The following C6orf118 variants were observed in gnomAD, a reference collection of about 807,000 sequenced individuals.
C6orf118 encodes the protein chromosome 6 open reading frame 118.
In C6orf118, 50 loss-of-function variants were observed where a neutral mutation model predicts 50.2. That is an observed-to-expected ratio of 1.00 (90% confidence interval 0.79 to 1.26). The LOEUF (loss-of-function observed/expected upper bound fraction) is 1.26. Ranked by LOEUF, C6orf118 falls within the 50% of genes most tolerant of loss-of-function variation. The probability of loss-of-function intolerance (pLI) is 0.00; values close to 1 mark genes in which losing one functional copy is unlikely to be tolerated. For missense variants in C6orf118, 641 were observed against 578.7 expected (o/e 1.11, Z -1.10); for synonymous variants, 239 against 230.9 (o/e 1.03, Z -0.32).
Position 165,293,400 on chromosome 6 carries a change from C to T in C6orf118, c.1120+13G>A. ...AAAGCACCCATAAGGAAGGACATCA[C>T]ACAGACACCTGCCTGATCGTTCCTT... is the stretch of plus-strand genomic sequence containing the variant. On this transcript the variant is annotated intron_variant, in intron 6 of 8. Transcript: ENST00000230301. The T allele has an allele frequency of 1.2e-6, 2 of 1,613,334 alleles. No individual in the cohort carries two copies. Among genetic ancestry groups the T allele is most frequent in the Non-Finnish European group, 1.7e-6 (2 of 1,179,240 alleles).
intron 1 of C6orf118, among the ~76,000 whole-genome samples, chr6:165,302,510 T>C (rs1780596650): frequency 6.6e-6 from 1 of 152,060 alleles, no homozygotes; most frequent in African/African-American, 2.4e-5. Context: ...CCCCAGGATG[T>C]GCAAGTCAAC....
At position 165,309,443 on chromosome 6, in the gene C6orf118, G is replaced by A. The variant is rs775448233; in HGVS notation, c.25+119C>T. The A allele has an allele frequency of 5.6e-5, 68 of 1,223,060 alleles. 1 individual carries two copies. In the Admixed American group the frequency reaches 6.4e-4, roughly 11 times the overall value. The allele number at this position is 1,223,060 out of a possible 1,614,324, so 75.8% of individuals were successfully genotyped here. On this transcript the variant is annotated intron_variant, in intron 1 of 8. Coordinates refer to ENST00000230301, the MANE Select transcript of C6orf118 (RefSeq NM_144980.4). ...CTCAGCCCTAGTGACCCTGGAGCCGGCGTGCAGCCACCAGAAAAAGATTTT... is the reference window on the plus strand; with the variant it reads ...CTCAGCCCTAGTGACCCTGGAGCCGACGTGCAGCCACCAGAAAAAGATTTT...
In C6orf118 at chr6:165,301,840, C is replaced by T; in HGVS notation, c.482G>A (p.Gly161Glu). The change falls in exon 2 of 9, where the codon GGA (glycine) becomes GAA (glutamate). Residue 161 changes from glycine (G) to glutamate (E), a missense_variant. By Grantham distance (98) the Gly-to-Glu change is moderately conservative. Coordinates refer to ENST00000230301, the MANE Select transcript of C6orf118 (RefSeq NM_144980.4). ...AVREGKEEKK[G>E]GPPGRGPPGW... ...AGGAGGGCCCCGTCCAGGAGGGCCT[C>T]CTTTCTTTTCTTCCTTCCCCTCTCT... The T allele has an allele frequency of 6.2e-7, 1 of 1,613,898 alleles. No homozygotes were observed. Among genetic ancestry groups the T allele is most frequent in the South Asian group, 1.1e-5 (1 of 91,076 alleles).
intron 1 of C6orf118, among the ~76,000 whole-genome samples, chr6:165,306,353 T>C (rs189834038): frequency 0.079 from 6,374 of 80,686 alleles, 305 homozygotes; most frequent in African/African-American, 0.1. Context: ...AGGGATAGCA[T>C]TGGGAGATAT....
Position 165,301,716 on chromosome 6 carries a change from GAC to G in C6orf118, c.604_605del (p.Val202GlnfsTer33), listed in dbSNP as rs1236331589. On this transcript the variant is annotated frameshift_variant, in exon 2 of 9. Coordinates refer to ENST00000230301, the MANE Select transcript of C6orf118 (RefSeq NM_144980.4). LOFTEE classifies it high-confidence loss of function. ...SRGTRDRHHY[V>X]SSYLAGATSA... ...TGGTGGCTCCGGCCAGGTAGGAGCTGACATAGTGGTGCCGGTCCCTGGTGCCT... is the reference window on the plus strand; with the variant it reads ...TGGTGGCTCCGGCCAGGTAGGAGCTGATAGTGGTGCCGGTCCCTGGTGCCT... 6.2e-7 allele frequency: 1 copy of G among 1,614,042 alleles called. No homozygotes were observed. Among genetic ancestry groups the G allele is most frequent in the Non-Finnish European group, 8.5e-7 (1 of 1,180,044 alleles).
chr6:165,301,084 G>A (rs1780511203), intron 2 of C6orf118, among the ~76,000 whole-genome samples: 1 of 152,054 alleles, frequency 6.6e-6, no homozygotes, highest in Non-Finnish European at 1.5e-5. Context: ...CAATGCGTCC[G>A]CTATGGGCCT....
At chr6:165,305,214 C>T (rs1166250715) in intron 1 of C6orf118, among the ~76,000 whole-genome samples, 1 of 67,402 alleles carries the variant, frequency 1.5e-5, no homozygotes, top group Non-Finnish European at 2.5e-5. Flanking sequence ...GAAAAACAAG[C>T]AATGGGGAAA....
At position 165,298,004 on chromosome 6, in the gene C6orf118, G is replaced by A; in HGVS notation, c.1034C>T (p.Thr345Ile). 1 of 1,613,952 alleles carries A rather than the reference G, an allele frequency of 6.2e-7. No homozygotes were observed. Among genetic ancestry groups the A allele is most frequent in the Non-Finnish European group, 8.5e-7 (1 of 1,180,026 alleles). The change falls in exon 5 of 9, where the codon ACA (threonine) becomes ATA (isoleucine). Residue 345 changes from threonine to isoleucine, a missense_variant. Physicochemically the swap from Thr to Ile is moderately conservative, Grantham distance 89. Coordinates refer to ENST00000230301, the MANE Select transcript of C6orf118 (RefSeq NM_144980.4). ...ATCATTCTGCTCCAGGGCTGCTTTT[G>A]TGGCTGTCACGAGCATCCTCAGCTC... ...REELRMLVTA[T>I]KAALEQNDRL...
intron 1 of C6orf118, among the ~76,000 whole-genome samples, chr6:165,304,673 C>T (rs1275863482): frequency 3.4e-5 from 2 of 58,074 alleles, no homozygotes; most frequent in Non-Finnish European, 6.0e-5. Context: ...TCTTATACAC[C>T]AACAACAGAC....
intron 7 of C6orf118, among the ~76,000 whole-genome samples, chr6:165,288,559 A>G (rs1395073086): frequency 6.6e-6 from 1 of 152,190 alleles, no homozygotes; most frequent in Non-Finnish European, 1.5e-5. Context: ...GATAGGCTAG[A>G]TTTTTTAAAT....
chr6:165,292,359 C>T (rs1462339507), intron 6 of C6orf118, among the ~76,000 whole-genome samples: 2 of 152,088 alleles, frequency 1.3e-5, no homozygotes, highest in African/African-American at 4.8e-5. Flanking sequence ...CAGGTTTGTT[C>T]CATCGCAATG....
At chr6:165,281,255 C>G (rs1220973527) in intron 8 of C6orf118, among the ~76,000 whole-genome samples, 1 of 152,130 alleles carries the variant, frequency 6.6e-6, no homozygotes, top group Non-Finnish European at 1.5e-5. Flanking sequence ...CCAGCTTTAT[C>G]CAATAAATTC....
At chr6:165,309,524 A>G (rs757328441) in intron 1 of C6orf118, 38 bp downstream of exon 1, 1 of 1,613,472 alleles carries the variant, frequency 6.2e-7, no homozygotes, top group East Asian at 2.2e-5. Flanking sequence ...CATCAAGCAA[A>G]TCTCACAAGC....
chr6:165,306,535 C>CAAAAAAAAAAAAAAAAAA (rs60755206), intron 1 of C6orf118, among the ~76,000 whole-genome samples: 1 of 39,686 alleles, frequency 2.5e-5, no homozygotes, highest in Non-Finnish European at 5.0e-5. Context: ...TAGGTGAATG[C>CAAAAAAAAAAAAAAAAAA]AAAAAAAAAA....
rs1780543489 is a variant in C6orf118 at position 165,301,646 on chromosome 6, G to C, written c.676C>G (p.Leu226Val). 1 of 1,614,160 alleles carries C rather than the reference G, an allele frequency of 6.2e-7. No individual in the cohort carries two copies. Among genetic ancestry groups the C allele is most frequent in the Admixed American group, 1.7e-5 (1 of 60,024 alleles). The part of the protein sequence containing the change: ...RMFLRFQKEV[L>V]AKQDLLKNDF... ...TTCTTCAGGAGATCTTGCTTGGCGA[G>C]CACTTCCTTCTGGAAACGCAGGAAC... is the stretch of plus-strand genomic sequence containing the variant. The change falls in exon 2 of 9, where the codon CTC becomes GTC. Residue 226 changes from leucine (L) to valine (V), a missense_variant. Transcript: ENST00000230301.
intron 1 of C6orf118, among the ~76,000 whole-genome samples, chr6:165,308,926 T>C (rs2128166454): frequency 6.6e-6 from 1 of 152,358 alleles, no homozygotes; most frequent in South Asian, 2.1e-4. Flanking sequence ...ACAAGTTTTC[T>C]CTCTGCCCAA....
At position 165,289,948 on chromosome 6, in the gene C6orf118, T is replaced by C. The variant is rs757750550; in HGVS notation, c.1240A>G (p.Lys414Glu). The change falls in exon 7 of 9, where the codon AAA becomes GAA. Residue 414 changes from lysine to glutamate, a missense_variant. Lys to Glu is a moderately conservative substitution (Grantham distance 56). Coordinates refer to ENST00000230301, the MANE Select transcript of C6orf118 (RefSeq NM_144980.4). ...DEIQALEKEI[K>E]TTLVHTGISD... ...ATTCCAGTATGAACCAAAGTTGTTTTAATTTCTTTTTCCAGAGCTTGTATC... is the reference window on the plus strand; with the variant it reads ...ATTCCAGTATGAACCAAAGTTGTTTCAATTTCTTTTTCCAGAGCTTGTATC... 6.2e-7 allele frequency: 1 copy of C among 1,611,108 alleles called. No individual in the cohort carries two copies. The highest frequency in any genetic ancestry group is 8.5e-7 in the Non-Finnish European group (1 of 1,178,596).
chr6:165,286,304 T>A lies in C6orf118; in HGVS notation c.1302+3582A>T, dbSNP rs9457058. Among the ~76,000 whole-genome samples the A allele has an allele frequency of 7.3e-3, 1,105 of 151,228 alleles. 13 individuals are homozygous for A. The highest frequency in any genetic ancestry group is 0.024 in the African/African-American group (982 of 41,384). The stretch of plus-strand genomic sequence containing the variant: ...TAATAAATAGTCCACAAATTTTTTT[T>A]AAAAAGCCCAGGACCAGATGGATTT... On this transcript the variant is annotated intron_variant, in intron 7 of 8. Transcript: ENST00000230301.
In C6orf118 at chr6:165,308,880, A is replaced by C. The variant is rs188270951; in HGVS notation, c.25+682T>G. 2.4e-3 allele frequency among the ~76,000 whole-genome samples: 373 copies of C among 152,308 alleles called. 2 individuals carry two copies. The highest frequency in any genetic ancestry group is 8.7e-3 in the African/African-American group (363 of 41,572). ...ATATCACACAATAAAATTTCTTTTA[A>C]ATCATTTTCTTGTTGAGACTGCTTT... On this transcript the variant is annotated intron_variant, in intron 1 of 8. Transcript: ENST00000230301.
Sources: allele counts gnomAD v4.1 joint callset (sites outside exome capture counted in the v4.1 genomes callset), GRCh38; gene constraint gnomAD v4.1.1; transcripts MANE v1.5; gene names NCBI Gene and HGNC (gene_info 2026-07-23, HGNC 2026-07-21).